NUCB2: variants seen among roughly 807,000 people sequenced by gnomAD.
The protein encoded by NUCB2 is nucleobindin-2.
Under a neutral mutation model 57.9 loss-of-function variants are expected in NUCB2, and 48 were observed. The observed-to-expected ratio is 0.83, with a 90% CI of 0.66 to 1.05. NUCB2 has a LOEUF of 1.05. Among genes scored for constraint, NUCB2 ranks in the 50% least tolerant of loss-of-function variants. NUCB2 has a pLI of 0.00. For missense variants in NUCB2, 442 were observed against 476.2 expected, an observed-to-expected ratio of 0.93 and a Z score of 0.67; for synonymous variants, 139 against 152.1, an observed-to-expected ratio of 0.91 and a Z score of 0.64.
intron 2 of NUCB2, among the ~76,000 whole-genome samples, chr11:17,289,657 G>A (rs1296228678): frequency 6.6e-6 from 1 of 152,030 alleles, no homozygotes; most frequent in Non-Finnish European, 1.5e-5. Flanking sequence ...AACATCTTGG[G>A]GGAAATCATT....
At chr11:17,311,339 C>A in intron 8 of NUCB2, 56 bp downstream of exon 8, 1 of 1,281,876 alleles carries the variant, frequency 7.8e-7, no homozygotes, top group Non-Finnish European at 1.1e-6. Flanking sequence ...AAAGTATTTG[C>A]TTTCCTCTTA....
In NUCB2 at chr11:17,288,963, A is replaced by ATATATT. The variant is rs753006566; in HGVS notation, c.-1+6021_-1+6022insATATTT. 1.3e-4 allele frequency among the ~76,000 whole-genome samples: 9 copies of ATATATT among 68,100 alleles called. 2 individuals are homozygous for ATATATT. The highest frequency in any genetic ancestry group is 9.1e-4 in the East Asian group (2 of 2,200). 44.7% of individuals were successfully genotyped at this position (68,100 alleles called of 152,430 possible). ...CACACACACACACATATATATATAT[A>ATATATT]TTTTTTTTTTTTGAGATGGAGTTTT... On this transcript the variant is annotated intron_variant, in intron 2 of 13. Coordinates refer to ENST00000529010, the MANE Select transcript of NUCB2 (RefSeq NM_005013.4).
chr11:17,347,644 C>T lies in NUCB2; in HGVS notation n.2627-1701C>T, dbSNP rs545600879. 1.3e-3 allele frequency among the ~76,000 whole-genome samples: 198 copies of T among 152,302 alleles called. 1 individual carries two copies. The highest frequency in any genetic ancestry group is 4.6e-3 in the African/African-American group (191 of 41,570). ...ATAGTCCGTATTCAAATTTCACCAA[C>T]TGTCTCAATACTGTCCTTTATAATA... On this transcript the variant is annotated intron_variant and non_coding_transcript_variant, in intron 2 of 2. Transcript: ENST00000532240.
At position 17,310,796 on chromosome 11, in the gene NUCB2, T is replaced by G. The variant is rs140378647; in HGVS notation, c.484-29T>G. ...TACATTTTTCAAGTGAATGTTTTTA[T>G]TTAACTTAAATGCATTATTGCATTT... is the stretch of plus-strand genomic sequence containing the variant. On this transcript the variant is annotated intron_variant, in intron 6 of 13. Transcript: ENST00000529010. The G allele has an allele frequency of 4.9e-4, 744 of 1,524,878 alleles. 3 individuals are homozygous for G. In the African/African-American group the frequency reaches 8.4e-3, roughly 17 times the overall value. The allele number at this position is 1,524,878 out of a possible 1,614,324, so 94.5% of individuals were successfully genotyped here.
rs569116752 is a variant in NUCB2 at position 17,306,554 on chromosome 11, A to G, written c.380-3018A>G. Among the ~76,000 whole-genome samples, 259 of 152,292 alleles carry G rather than the reference A, an allele frequency of 1.7e-3. 1 individual carries two copies. Among genetic ancestry groups the G allele is most frequent in the African/African-American group, 6.0e-3 (251 of 41,560 alleles). ...TGTGGAGATTTCTCTCCCTGGGACA[A>G]CTTCCATCCCCTCAGTCTTAACAGT... On this transcript the variant is annotated intron_variant, in intron 5 of 13. Coordinates refer to ENST00000529010, the MANE Select transcript of NUCB2 (RefSeq NM_005013.4).
intron 11 of NUCB2, among the ~76,000 whole-genome samples, chr11:17,316,773 TA>T (rs1210665848): frequency 6.6e-6 from 1 of 152,174 alleles, no homozygotes; most frequent in Non-Finnish European, 1.5e-5. Context: ...TTTTTCTACA[TA>T]AAAACTGAAA....
intron 2 of NUCB2, among the ~76,000 whole-genome samples, chr11:17,341,806 G>A (rs1952292371): frequency 6.6e-6 from 1 of 152,200 alleles, no homozygotes; most frequent in Admixed American, 6.5e-5. Flanking sequence ...GCCAGGCTTT[G>A]CTATCAGGAT....
At chr11:17,324,861 G>A (rs1305976815) in intron 11 of NUCB2, among the ~76,000 whole-genome samples, 1 of 151,834 alleles carries the variant, frequency 6.6e-6, no homozygotes, top group African/African-American at 2.4e-5. Context: ...GAGTGCAGTG[G>A]CGCGATCTTG....
chr11:17,292,132 C>T (rs974197613), intron 2 of NUCB2, among the ~76,000 whole-genome samples: 16 of 151,730 alleles, frequency 1.1e-4, no homozygotes, highest in Non-Finnish European at 2.1e-4. Flanking sequence ...ATACTAAGTT[C>T]AAGTTAAATT....
intron 11 of NUCB2, among the ~76,000 whole-genome samples, chr11:17,316,424 G>A (rs1347533252): frequency 6.6e-6 from 1 of 152,082 alleles, no homozygotes; most frequent in Non-Finnish European, 1.5e-5. Flanking sequence ...CCAATATGCA[G>A]TTATATGGCT....
At chr11:17,322,058 T>C (rs1426428828) in intron 11 of NUCB2, among the ~76,000 whole-genome samples, 2 of 152,164 alleles carry the variant, frequency 1.3e-5, no homozygotes, top group Admixed American at 6.5e-5. Context: ...CTTCACTTTG[T>C]TGATTTTTTG....
chr11:17,303,193 G>T (rs948820146), intron 5 of NUCB2, among the ~76,000 whole-genome samples: 5 of 152,236 alleles, frequency 3.3e-5, no homozygotes, highest in East Asian at 1.9e-4. Context: ...ACTCTTTAAT[G>T]ATTTGAGTGA....
At chr11:17,309,766 T>G (rs1284251377) in intron 6 of NUCB2, 91 bp downstream of exon 6, 1 of 760,874 alleles carries the variant, frequency 1.3e-6, no homozygotes, top group African/African-American at 1.8e-5. Flanking sequence ...AATATAACTT[T>G]TATATATTCT....
chr11:17,299,104 C>G (rs1015854044), intron 4 of NUCB2, among the ~76,000 whole-genome samples: 1 of 152,218 alleles, frequency 6.6e-6, no homozygotes, highest in Non-Finnish European at 1.5e-5. Flanking sequence ...CCTCACTGTT[C>G]CACTGAATAT....
At chr11:17,303,755 C>G (rs941884378) in intron 5 of NUCB2, among the ~76,000 whole-genome samples, 1 of 152,014 alleles carries the variant, frequency 6.6e-6, no homozygotes, top group East Asian at 1.9e-4. Flanking sequence ...TGTGGTGGCA[C>G]ATGCCTGTAA....
At chr11:17,298,826 G>A (rs1946256377) in intron 4 of NUCB2, among the ~76,000 whole-genome samples, 2 of 151,994 alleles carry the variant, frequency 1.3e-5, no homozygotes, top group Non-Finnish European at 2.9e-5. Context: ...AGCCTCCCAA[G>A]TAGCTGGGAT....
intron 10 of NUCB2, among the ~76,000 whole-genome samples, chr11:17,312,957 TC>T (rs1948723339): frequency 6.6e-6 from 1 of 151,824 alleles, no homozygotes; most frequent in Non-Finnish European, 1.5e-5. Flanking sequence ...TCCACCCACT[TC>T]GGCCTCCCAA....
At chr11:17,277,587 CTA>C (rs1411721897) in intron 1 of NUCB2, among the ~76,000 whole-genome samples, 3 of 152,168 alleles carry the variant, frequency 2.0e-5, no homozygotes, top group African/African-American at 7.2e-5. Flanking sequence ...TCTTGAAATT[CTA>C]TGTCTGCTAA....
chr11:17,318,165 C>T (rs983061304), intron 11 of NUCB2, among the ~76,000 whole-genome samples: 9 of 151,930 alleles, frequency 5.9e-5, no homozygotes, highest in Non-Finnish European at 1.3e-4. Context: ...CAGGCATGCA[C>T]CACCATGCCT....
Sources: gnomAD v4.1 joint callset for allele counts (sites outside exome capture counted in the v4.1 genomes callset) on GRCh38, gnomAD v4.1.1 for gene constraint, MANE v1.5 for transcripts, NCBI Gene and HGNC (gene_info 2026-07-23, HGNC 2026-07-21) for gene names.